Variants in XKR4 observed in about 807,000 individuals in gnomAD.
XKR4 encodes XK-related protein 4.
A neutral mutation model predicts 53.9 loss-of-function variants in XKR4; 12 were observed. The ratio of observed to expected loss-of-function variants is 0.22; its 90% CI spans 0.14 to 0.36. The LOEUF (loss-of-function observed/expected upper bound fraction) is 0.36. Among genes scored for constraint, XKR4 ranks in the 10% least tolerant of loss-of-function variants. The probability of loss-of-function intolerance (pLI) is 1.00; values close to 1 mark genes in which losing one functional copy is unlikely to be tolerated. For synonymous variants in XKR4, 354 were observed against 362.4 expected (o/e 0.98, Z 0.26); for missense variants, 799 against 859.5 (o/e 0.93, Z 0.88).
At chr8:55,204,204 C>A (rs1285491406) in intron 1 of XKR4, among the ~76,000 whole-genome samples, 1 of 152,008 alleles carries the variant, frequency 6.6e-6, no homozygotes, top group African/African-American at 2.4e-5. Context: ...ACAGTTCTCG[C>A]AACGTTGCCC....
At chr8:55,260,172 A>C (rs1818502960) in intron 1 of XKR4, among the ~76,000 whole-genome samples, 1 of 152,192 alleles carries the variant, frequency 6.6e-6, no homozygotes, top group Admixed American at 6.5e-5. Flanking sequence ...TATATGGACA[A>C]ATGAATCCCT....
At position 55,183,134 on chromosome 8, in the gene XKR4, T is replaced by G. The variant is rs144066642; in HGVS notation, c.806+79840T>G. Among the ~76,000 whole-genome samples the G allele has an allele frequency of 7.1e-4, 108 of 152,104 alleles. No homozygotes were observed. In the East Asian group the frequency reaches 0.018, roughly 26 times the overall value. On this transcript the variant is annotated intron_variant, in intron 1 of 2. Coordinates refer to ENST00000327381, the MANE Select transcript of XKR4 (RefSeq NM_052898.2). ...TATCCCCAAGATTAGTAATTTCTGA[T>G]TAGAGTTTATCAATTTTATTGATCT...
intron 2 of XKR4, chr8:55,453,919 C>T (rs1805504909): frequency 3.1e-6 from 2 of 636,542 alleles, no homozygotes; most frequent in African/African-American, 1.8e-5. Context: ...AGGCCATGCC[C>T]TCCAGCACAT....
chr8:55,209,700 T>C (rs1795816853), intron 1 of XKR4, among the ~76,000 whole-genome samples: 1 of 152,158 alleles, frequency 6.6e-6, no homozygotes, highest in Non-Finnish European at 1.5e-5. Context: ...AGGTGCGTGT[T>C]GCTGCAAGGA....
chr8:55,320,112 A>G (rs1317048819), intron 1 of XKR4, among the ~76,000 whole-genome samples: 2 of 152,210 alleles, frequency 1.3e-5, no homozygotes, highest in African/African-American at 4.8e-5. Flanking sequence ...CAGTGCGTTC[A>G]ATGTGTTATA....
intron 2 of XKR4, among the ~76,000 whole-genome samples, chr8:55,441,769 T>C (rs1805271484): frequency 6.6e-6 from 1 of 152,144 alleles, no homozygotes; most frequent in Non-Finnish European, 1.5e-5. Context: ...TGAATCGAAG[T>C]ATAGAGCATA....
At chr8:55,324,035 T>A (rs981233223) in intron 1 of XKR4, among the ~76,000 whole-genome samples, 4 of 152,220 alleles carry the variant, frequency 2.6e-5, no homozygotes, top group African/African-American at 9.6e-5. Context: ...ATAGTACAGT[T>A]ATAATAGTCA....
intron 1 of XKR4, among the ~76,000 whole-genome samples, chr8:55,286,020 G>C (rs145377899): frequency 1.3e-5 from 2 of 152,350 alleles, no homozygotes; most frequent in South Asian, 4.1e-4. Flanking sequence ...CACCTACTGT[G>C]TGTATAAGTC....
intron 1 of XKR4, among the ~76,000 whole-genome samples, chr8:55,197,808 G>C (rs144152776): frequency 6.6e-6 from 1 of 152,184 alleles, no homozygotes; most frequent in South Asian, 2.1e-4. Context: ...CTCCGAAAGT[G>C]CTGGGATTAC....
intron 2 of XKR4, among the ~76,000 whole-genome samples, chr8:55,490,975 C>CA (rs1299047073): frequency 6.6e-6 from 1 of 151,380 alleles, no homozygotes; most frequent in Non-Finnish European, 1.5e-5. Context: ...AAGTGATAGA[C>CA]AGTTTGCTAT....
intron 1 of XKR4, among the ~76,000 whole-genome samples, chr8:55,237,672 T>C (rs78073001): frequency 0.016 from 2,406 of 152,352 alleles, 52 homozygotes; most frequent in African/African-American, 0.054. Context: ...GAGGGTCTAA[T>C]GTATAGTAGA....
At chr8:55,408,738 G>T (rs1804727637) in intron 2 of XKR4, among the ~76,000 whole-genome samples, 2 of 152,212 alleles carry the variant, frequency 1.3e-5, no homozygotes, top group African/African-American at 4.8e-5. Context: ...GCCGGGTGCG[G>T]TGGTTCGCGC....
At chr8:55,223,335 C>G (rs1285746658) in intron 1 of XKR4, among the ~76,000 whole-genome samples, 1 of 152,166 alleles carries the variant, frequency 6.6e-6, no homozygotes, top group East Asian at 1.9e-4. Flanking sequence ...TAGAATTATT[C>G]TGAATCTATT....
intron 2 of XKR4, among the ~76,000 whole-genome samples, chr8:55,481,224 G>A (rs1411504383): frequency 6.6e-6 from 1 of 152,112 alleles, no homozygotes; most frequent in African/African-American, 2.4e-5. Flanking sequence ...ACAGAACAGA[G>A]CCCTTAGAAA....
chr8:55,211,615 TG>T (rs1457340713), intron 1 of XKR4, among the ~76,000 whole-genome samples: 3 of 152,336 alleles, frequency 2.0e-5, no homozygotes, highest in Middle Eastern at 3.4e-3. Context: ...AATGTGGGCA[TG>T]GGTTTTCAAT....
In XKR4 at chr8:55,533,076, A is replaced by T. The variant is rs991262709; in HGVS notation, c.*8849A>T. ...CATTAATTCATCAAGAAGTTCCAAA[A>T]CACTACTAAATGTGTTGAAAATATA... is the stretch of plus-strand genomic sequence containing the variant. On this transcript the variant is annotated 3_prime_UTR_variant, in exon 3 of 3. Transcript: ENST00000327381. 5 of 152,212 alleles carry T rather than the reference A, an allele frequency of 3.3e-5. No homozygotes were observed. The highest frequency in any genetic ancestry group is 4.4e-5 in the Non-Finnish European group (3 of 68,030). 9.4% of individuals were successfully genotyped at this position (152,212 alleles called of 1,614,324 possible).
At chr8:55,474,361 G>A (rs370542053) in intron 2 of XKR4, among the ~76,000 whole-genome samples, 2 of 152,108 alleles carry the variant, frequency 1.3e-5, no homozygotes, top group African/African-American at 4.8e-5. Context: ...TATTCCTGGA[G>A]TATGCTCTCT....
At chr8:55,328,021 T>C (rs886238923) in intron 1 of XKR4, among the ~76,000 whole-genome samples, 6 of 151,732 alleles carry the variant, frequency 4.0e-5, no homozygotes, top group Non-Finnish European at 5.9e-5. Context: ...AACACTGCTA[T>C]GAAAAAATAC....
At chr8:55,132,591 C>T (rs932381129) in intron 1 of XKR4, among the ~76,000 whole-genome samples, 45 of 152,114 alleles carry the variant, frequency 3.0e-4, no homozygotes, top group East Asian at 1.9e-4. Context: ...ACAGTGAAAC[C>T]GAAGATATGG....
Sources: allele counts gnomAD v4.1 joint callset (sites outside exome capture counted in the v4.1 genomes callset), GRCh38; gene constraint gnomAD v4.1.1; transcripts MANE v1.5; gene names NCBI Gene and HGNC (gene_info 2026-07-23, HGNC 2026-07-21).